NXPH1: variants seen among roughly 807,000 people sequenced by gnomAD.
NXPH1 encodes the protein neurexophilin-1.
A neutral mutation model predicts 23.7 loss-of-function variants in NXPH1; 5 were observed. The ratio of observed to expected loss-of-function variants is 0.21; its 90% CI spans 0.11 to 0.44. The LOEUF (loss-of-function observed/expected upper bound fraction) is 0.44. Among genes scored for constraint, NXPH1 ranks in the 20% least tolerant of loss-of-function variants. NXPH1 has a pLI of 0.99. For synonymous variants in NXPH1, 144 were observed against 122.2 expected (o/e 1.18, Z -1.18); for missense variants, 324 against 321.6 (o/e 1.01, Z -0.06).
chr7:8,734,354 C>G (rs564849608), intron 2 of NXPH1, among the ~76,000 whole-genome samples: 5 of 152,084 alleles, frequency 3.3e-5, no homozygotes, highest in Non-Finnish European at 7.4e-5. Context: ...CTTGGCTATA[C>G]GGGCTCTTTT....
Position 8,750,998 on chromosome 7 carries a change from C to A in NXPH1, c.55-10C>A, listed in dbSNP as rs1562474762. On this transcript the variant is annotated splice_polypyrimidine_tract_variant and intron_variant, in intron 2 of 2. Coordinates refer to ENST00000405863, the MANE Select transcript of NXPH1 (RefSeq NM_152745.3). ...GAGATGTAAATGCCATTTTTCTCTT[C>A]TGTTTTCAGGTCACATGTGCCAATT... is the stretch of plus-strand genomic sequence containing the variant. The A allele has an allele frequency of 6.2e-7, 1 of 1,611,658 alleles. No homozygotes were observed. The highest frequency in any genetic ancestry group is 1.7e-5 in the Admixed American group (1 of 59,804).
intron 2 of NXPH1, among the ~76,000 whole-genome samples, chr7:8,639,953 C>T (rs1269636901): frequency 1.3e-5 from 2 of 152,124 alleles, no homozygotes; most frequent in Non-Finnish European, 2.9e-5. Flanking sequence ...AGCATGAAAA[C>T]GAACTAATAA....
intron 2 of NXPH1, among the ~76,000 whole-genome samples, chr7:8,619,064 A>G (rs1031001506): frequency 3.3e-5 from 5 of 152,184 alleles, no homozygotes; most frequent in African/African-American, 9.7e-5. Flanking sequence ...TGTGACATTA[A>G]TGTGCTATTT....
At chr7:8,604,495 G>C (rs1338733865) in intron 2 of NXPH1, among the ~76,000 whole-genome samples, 1 of 152,002 alleles carries the variant, frequency 6.6e-6, no homozygotes. Flanking sequence ...TTGTTACATA[G>C]TAGATTGCCT....
intron 2 of NXPH1, among the ~76,000 whole-genome samples, chr7:8,501,352 T>C (rs906675320): frequency 1.3e-5 from 2 of 151,994 alleles, no homozygotes; most frequent in Non-Finnish European, 2.9e-5. Flanking sequence ...ATGCAAGATA[T>C]GACTACAAAT....
At chr7:8,620,098 G>T (rs112436237) in intron 2 of NXPH1, among the ~76,000 whole-genome samples, 6 of 152,230 alleles carry the variant, frequency 3.9e-5, no homozygotes, top group Admixed American at 6.5e-5. Flanking sequence ...CTAGTCACAA[G>T]GATCCTTCTC....
At chr7:8,720,618 A>G (rs928018976) in intron 2 of NXPH1, among the ~76,000 whole-genome samples, 2 of 152,228 alleles carry the variant, frequency 1.3e-5, no homozygotes, top group Non-Finnish European at 2.9e-5. Context: ...ACAAAATGAC[A>G]AGATTTAATG....
chr7:8,528,473 A>G (rs1358571644), intron 2 of NXPH1, among the ~76,000 whole-genome samples: 1 of 152,268 alleles, frequency 6.6e-6, no homozygotes, highest in Admixed American at 6.5e-5. Flanking sequence ...CACATGATTC[A>G]TTTTAACATG....
At chr7:8,745,855 C>G (rs1780461833) in intron 2 of NXPH1, among the ~76,000 whole-genome samples, 2 of 151,498 alleles carry the variant, frequency 1.3e-5, no homozygotes, top group African/African-American at 4.8e-5. Context: ...GCGAGAGCTA[C>G]TGTCCCCGGC....
chr7:8,690,763 C>T (rs1244122667), intron 2 of NXPH1, among the ~76,000 whole-genome samples: 1 of 152,162 alleles, frequency 6.6e-6, no homozygotes, highest in Non-Finnish European at 1.5e-5. Context: ...GTCTGCTTAT[C>T]AGTGTTCCAT....
At chr7:8,592,381 G>C (rs1212511322) in intron 2 of NXPH1, among the ~76,000 whole-genome samples, 2 of 151,974 alleles carry the variant, frequency 1.3e-5, no homozygotes, top group East Asian at 3.9e-4. Context: ...TGCATTTCAT[G>C]GTTATAGTTT....
chr7:8,511,206 T>C (rs2128613974), intron 2 of NXPH1, among the ~76,000 whole-genome samples: 1 of 152,266 alleles, frequency 6.6e-6, no homozygotes, highest in South Asian at 2.1e-4. Context: ...ACAGGCAATC[T>C]GGGGCATTAC....
Position 8,751,241 on chromosome 7 carries a change from C to T in NXPH1, c.288C>T (p.Asp96=), listed in dbSNP as rs1403492779. 1 of 1,613,902 alleles carries T rather than the reference C, an allele frequency of 6.2e-7. No individual in the cohort carries two copies. Among genetic ancestry groups the T allele is most frequent in the Non-Finnish European group, 8.5e-7 (1 of 1,179,836 alleles). ...GGGACTGGCTGAGGAACTCCACAGA[C>T]CTTCAAGAGCCTCGGCCCAGGGCCA... ...DLWDWLRNST[D]LQEPRPRAKR... Residue 96 remains aspartate (D), a synonymous_variant, in exon 3 of 3, where the codon GAC becomes GAT. Coordinates refer to ENST00000405863, the MANE Select transcript of NXPH1 (RefSeq NM_152745.3). This position sits in a 1 kb window ranked among gnomAD's most constrained non-coding sequence, Gnocchi z 4.5.
At chr7:8,627,302 G>C (rs1010291143) in intron 2 of NXPH1, among the ~76,000 whole-genome samples, 6 of 152,096 alleles carry the variant, frequency 3.9e-5, no homozygotes, top group African/African-American at 9.7e-5. Flanking sequence ...AAAACTACTT[G>C]TTAGTCTAGA....
chr7:8,716,947 C>T (rs962292510), intron 2 of NXPH1, among the ~76,000 whole-genome samples: 4 of 152,294 alleles, frequency 2.6e-5, no homozygotes, highest in African/African-American at 9.6e-5. Context: ...TTGATTAGTA[C>T]AGCAGTGAGG....
chr7:8,605,420 A>G (rs1236440876), intron 2 of NXPH1, among the ~76,000 whole-genome samples: 4 of 152,150 alleles, frequency 2.6e-5, no homozygotes, highest in Non-Finnish European at 1.5e-5. Context: ...TCAAACAATC[A>G]AAACGGTGAT....
intron 2 of NXPH1, among the ~76,000 whole-genome samples, chr7:8,589,683 T>A (rs1819051622): frequency 6.6e-6 from 1 of 151,998 alleles, no homozygotes; most frequent in South Asian, 2.1e-4. Context: ...TGAATAAGTA[T>A]AAATCTTGAA....
chr7:8,519,228 A>T (rs529922513), intron 2 of NXPH1, among the ~76,000 whole-genome samples: 1 of 152,294 alleles, frequency 6.6e-6, no homozygotes, highest in East Asian at 1.9e-4. Flanking sequence ...TGAATGGTGT[A>T]AAAAATTATA....
intron 2 of NXPH1, among the ~76,000 whole-genome samples, chr7:8,703,907 C>T (rs1243912664): frequency 6.6e-6 from 1 of 152,040 alleles, no homozygotes; most frequent in African/African-American, 2.4e-5. Context: ...TTCCAAACCC[C>T]TTCCTATTAC....
Sources: gnomAD v4.1 joint callset for allele counts (sites outside exome capture counted in the v4.1 genomes callset) on GRCh38, gnomAD v4.1.1 for gene constraint, Gnocchi (gnomAD v3.1) non-coding constraint, MANE v1.5 for transcripts, NCBI Gene and HGNC (gene_info 2026-07-23, HGNC 2026-07-21) for gene names.